Variants in DHX37 observed in about 807,000 individuals in gnomAD.
DHX37 encodes DEAH-box helicase 37.
Under a neutral mutation model 134.3 loss-of-function variants are expected in DHX37, and 52 were observed. The observed-to-expected ratio is 0.39, with a 90% CI of 0.31 to 0.49. The LOEUF (loss-of-function observed/expected upper bound fraction) is 0.49. DHX37 is among the 20% of genes least tolerant of loss of function. The pLI is 0.93. For synonymous variants in DHX37, 634 were observed against 670.7 expected (o/e 0.95, Z 0.85); for missense variants, 1,344 against 1,580.8 (o/e 0.85, Z 2.54).
intron 3 of DHX37, among the ~76,000 whole-genome samples, chr12:124,982,004 T>A (rs1018175561): frequency 2.1e-4 from 32 of 151,522 alleles, no homozygotes; most frequent in African/African-American, 7.5e-4. Flanking sequence ...ATGCCTGTAA[T>A]CCCAGCTACT....
At chr12:124,976,432 C>T (rs1198476984) in intron 5 of DHX37, among the ~76,000 whole-genome samples, 2 of 152,224 alleles carry the variant, frequency 1.3e-5, no homozygotes, top group Non-Finnish European at 2.9e-5. Context: ...TAAGCGCAGG[C>T]TGGGCGGGGT....
rs114212811 is a variant in DHX37, at chr12:124,960,365, G to A, written c.2104C>T (p.Arg702Trp). ...FEQFPPPEITRRPVEDLILQM... is the reference protein window; with the variant it reads ...FEQFPPPEITWRPVEDLILQM... Reference sequence around the variant, plus strand: ...AGGATTAAGTCTTCAACAGGCCTCCGGGTGATTTCTGGAGGAGGAAACTGC... The same window carrying A: ...AGGATTAAGTCTTCAACAGGCCTCCAGGTGATTTCTGGAGGAGGAAACTGC... Residue 702 changes from arginine (R) to tryptophan (W), a missense_variant, in exon 16 of 27, where the codon CGG (arginine) becomes TGG (tryptophan). Coordinates refer to ENST00000308736, the MANE Select transcript of DHX37 (RefSeq NM_032656.4). 9.4e-5 allele frequency: 151 copies of A among 1,614,128 alleles called. No individual in the cohort carries two copies. In the African/African-American group the frequency reaches 1.6e-3, roughly 18 times the overall value.
intron 21 of DHX37, 59 bp from the exon 22 acceptor site, chr12:124,950,863 A>T: frequency 6.6e-7 from 1 of 1,510,208 alleles, no homozygotes; most frequent in Non-Finnish European, 8.8e-7. Context: ...GGCTCCGCAT[A>T]CTTTCAACCC....
chr12:124,980,408 T>C lies in DHX37; in HGVS notation c.738+82A>G. The stretch of plus-strand genomic sequence containing the variant: ...ATGGAGGCACAGAGAAGGGATGCCC[T>C]TGCCCCACTTCACCAGGACGCCCTC... On this transcript the variant is annotated intron_variant, in intron 4 of 26. Coordinates refer to ENST00000308736, the MANE Select transcript of DHX37 (RefSeq NM_032656.4). This position sits in a 1 kb window ranked among gnomAD's most constrained non-coding sequence, Gnocchi z 5.3. 2.1e-6 allele frequency: 3 copies of C among 1,455,002 alleles called. No homozygotes were observed. In the South Asian group the frequency reaches 3.8e-5, roughly 18 times the overall value. The allele number at this position is 1,455,002 out of a possible 1,614,324, so 90.1% of individuals were successfully genotyped here.
At chr12:124,984,580 A>T (rs1385740823) in intron 2 of DHX37, among the ~76,000 whole-genome samples, 2 of 152,152 alleles carry the variant, frequency 1.3e-5, no homozygotes, top group African/African-American at 4.8e-5. Flanking sequence ...AGAAGGTAGG[A>T]AACTGTAAGA....
At chr12:124,953,680 C>T in intron 20 of DHX37, 200 bp downstream of exon 20, 2 of 963,210 alleles carry the variant, frequency 2.1e-6, no homozygotes, top group Non-Finnish European at 1.5e-6. Flanking sequence ...GCTGGCAGCT[C>T]GAATCTGTTA....
chr12:124,977,218 G>A, intron 5 of DHX37, 124 bp downstream of exon 5: 1 of 1,233,074 alleles, frequency 8.1e-7, no homozygotes, highest in Non-Finnish European at 1.1e-6. Flanking sequence ...CTTGTCTGAA[G>A]TCACACAGCA....
intron 5 of DHX37, among the ~76,000 whole-genome samples, chr12:124,976,778 C>A (rs936373366): frequency 1.4e-5 from 2 of 143,402 alleles, no homozygotes; most frequent in African/African-American, 5.2e-5. Context: ...TGCAGTGAGC[C>A]GAGATCGCGC....
chr12:124,988,938 G>C lies in DHX37; in HGVS notation c.85C>G (p.Pro29Ala). ...TTACCCTCCAGTTCCAGCTGCACGG[G>C]GGGCGGCTCGGGGGGGCCCTTCGAG... ...GPSKGPPEPP[P>A]VQLELEDKDT... The change falls in exon 1 of 27, where the codon CCC (proline) becomes GCC (alanine). Residue 29 changes from proline to alanine, a missense_variant. Pro to Ala is a conservative substitution (Grantham distance 27). Around this residue, in one of 7 missense-constraint regions of DHX37, gnomAD observed 319 missense variants for 296.1 expected, o/e 1.08. Coordinates refer to ENST00000308736, the MANE Select transcript of DHX37 (RefSeq NM_032656.4). 4.5e-6 allele frequency: 6 copies of C among 1,336,760 alleles called. No homozygotes were observed. Among genetic ancestry groups the C allele is most frequent in the Non-Finnish European group, 5.8e-6 (6 of 1,034,164 alleles). The allele number at this position is 1,336,760 out of a possible 1,614,324, so 82.8% of individuals were successfully genotyped here.
intron 3 of DHX37, among the ~76,000 whole-genome samples, chr12:124,982,294 G>A (rs991989970): frequency 3.3e-5 from 5 of 152,126 alleles, no homozygotes; most frequent in Non-Finnish European, 5.9e-5. Context: ...TCACTGGAGC[G>A]AGAAACTTTG....
chr12:124,964,271 AG>A, intron 15 of DHX37, 122 bp downstream of exon 15: 1 of 1,452,934 alleles, frequency 6.9e-7, no homozygotes, highest in Non-Finnish European at 9.1e-7. Context: ...CCAAAGTCAC[AG>A]GGGCCCGGCA....
chr12:124,961,317 T>TACACGCGTGCACGCACGCACACAC lies in DHX37; in HGVS notation c.2046-895_2046-894insGTGTGTGCGTGCGTGCACGCGTGT, dbSNP rs1360421680. Among the ~76,000 whole-genome samples, 166 of 135,696 alleles carry TACACGCGTGCACGCACGCACACAC rather than the reference T, an allele frequency of 1.2e-3. 2 individuals are homozygous for TACACGCGTGCACGCACGCACACAC. The highest frequency in any genetic ancestry group is 5.1e-3 in the African/African-American group (154 of 30,074). The allele number at this position is 135,696 out of a possible 152,430, so 89.0% of individuals were successfully genotyped here. ...ACGCGTGCACGCACGCACACACACT[T>TACACGCGTGCACGCACGCACACAC]ACATACACACGTGCACGCACACACA... is the stretch of plus-strand genomic sequence containing the variant. On this transcript the variant is annotated intron_variant, in intron 15 of 26. Transcript: ENST00000308736.
rs146963212 is a variant in DHX37, at chr12:124,977,985, T to G, written c.739-495A>C. On this transcript the variant is annotated intron_variant, in intron 4 of 26. Transcript: ENST00000308736. Reference sequence around the variant, plus strand: ...GTATCGTATATGGAAGGAACAGTTCTGTGAAACATGGCTCACCCTAAGGTG... The same window carrying G: ...GTATCGTATATGGAAGGAACAGTTCGGTGAAACATGGCTCACCCTAAGGTG... 6.8e-3 allele frequency among the ~76,000 whole-genome samples: 1,030 copies of G among 152,296 alleles called. 5 individuals carry two copies. Among genetic ancestry groups the G allele is most frequent in the Middle Eastern group, 0.01 (3 of 294 alleles).
At chr12:124,972,398 T>C (rs1391733082) in intron 7 of DHX37, 105 bp downstream of exon 7, 12 of 1,178,448 alleles carry the variant, frequency 1.0e-5, no homozygotes, top group Non-Finnish European at 1.5e-5. Flanking sequence ...GTGGGAGTGC[T>C]GGATCAACAG....
chr12:124,986,354 C>T (rs779724478), intron 1 of DHX37, 89 bp from the exon 2 acceptor site: 118 of 1,410,486 alleles, frequency 8.4e-5, no homozygotes, highest in Middle Eastern at 7.3e-4. Context: ...ATGGGGGCCT[C>T]CTGAGTCTGC....
chr12:124,954,650 G>A (rs1003275418), intron 18 of DHX37, among the ~76,000 whole-genome samples: 3 of 152,026 alleles, frequency 2.0e-5, no homozygotes, highest in Non-Finnish European at 2.9e-5. Flanking sequence ...CGCCCGTCTC[G>A]GCCTCCCAAA....
intron 2 of DHX37, among the ~76,000 whole-genome samples, chr12:124,982,965 C>T (rs77305146): frequency 0.018 from 2,799 of 152,196 alleles, 72 homozygotes; most frequent in African/African-American, 0.063. Context: ...AGGAAGGAGG[C>T]GGCTTTGTGT....
At chr12:124,966,126 G>A (rs753355356) in intron 12 of DHX37, among the ~76,000 whole-genome samples, 3 of 152,330 alleles carry the variant, frequency 2.0e-5, no homozygotes, top group East Asian at 1.9e-4. Context: ...CTACCGTCAC[G>A]GAGCACAAGA....
At chr12:124,961,150 ACG>A (rs1427797304) in intron 15 of DHX37, among the ~76,000 whole-genome samples, 11 of 151,388 alleles carry the variant, frequency 7.3e-5, no homozygotes, top group African/African-American at 2.2e-4. Context: ...GCGTGCACGC[ACG>A]CACACACACT....
Sources: allele counts gnomAD v4.1 joint callset (sites outside exome capture counted in the v4.1 genomes callset), GRCh38; gene constraint gnomAD v4.1.1; regional missense constraint gnomAD v4.1.1; non-coding constraint Gnocchi (gnomAD v3.1); transcripts MANE v1.5; gene names NCBI Gene and HGNC (gene_info 2026-07-23, HGNC 2026-07-21).